The following CDH12 variants were observed in gnomAD, a reference collection of about 807,000 sequenced individuals.
CDH12 encodes the protein cadherin-12.
In CDH12, 41 loss-of-function variants were observed where a neutral mutation model predicts 74.1. The observed-to-expected ratio is 0.55, with a 90% CI of 0.43 to 0.72. The LOEUF (loss-of-function observed/expected upper bound fraction) is 0.72, where lower values mean the gene tolerates loss of function less well. Among genes scored for constraint, CDH12 ranks in the 30% least tolerant of loss-of-function variants. CDH12 has a pLI of 0.00. For missense variants in CDH12, 945 were observed against 977.2 expected (o/e 0.97, Z 0.44); for synonymous variants, 399 against 355.0 (o/e 1.12, Z -1.39).
At chr5:21,789,233 T>C (rs1746360388) in intron 10 of CDH12, among the ~76,000 whole-genome samples, 1 of 152,128 alleles carries the variant, frequency 6.6e-6, no homozygotes, top group Non-Finnish European at 1.5e-5. Context: ...TTAATTTTTA[T>C]AGTTTTATGT....
intron 1 of CDH12, among the ~76,000 whole-genome samples, chr5:22,517,148 C>T (rs1164826414): frequency 6.6e-6 from 1 of 151,672 alleles, no homozygotes; most frequent in Non-Finnish European, 1.5e-5. Context: ...AAGATAAAGC[C>T]ACTATTTATA....
intron 1 of CDH12, among the ~76,000 whole-genome samples, chr5:22,609,633 G>T (rs1296153690): frequency 2.0e-5 from 3 of 152,180 alleles, no homozygotes; most frequent in Admixed American, 2.0e-4. Context: ...CTTTCAAGAA[G>T]AGAACTGCCT....
chr5:22,698,725 ATATATATATAGTGTGTGTGT>A (rs1742544082), intron 1 of CDH12, among the ~76,000 whole-genome samples: 5 of 11,082 alleles, frequency 4.5e-4, no homozygotes, highest in Admixed American at 1.5e-3. Context: ...ATATATATAT[ATATATATATAGTGTGTGTGT>A]GTGTGTGTGT....
intron 4 of CDH12, among the ~76,000 whole-genome samples, chr5:22,132,732 A>T (rs1313664962): frequency 6.6e-6 from 1 of 152,070 alleles, no homozygotes; most frequent in Non-Finnish European, 1.5e-5. Flanking sequence ...TTTTTCCCCA[A>T]ATACTTTCAA....
intron 13 of CDH12, among the ~76,000 whole-genome samples, chr5:21,758,007 A>C (rs906867777): frequency 5.3e-5 from 8 of 152,144 alleles, no homozygotes; most frequent in Non-Finnish European, 8.8e-5. Context: ...TCCATGCTAC[A>C]TCCAAGCAGA....
At chr5:22,521,641 A>C (rs908728531) in intron 1 of CDH12, among the ~76,000 whole-genome samples, 2 of 152,224 alleles carry the variant, frequency 1.3e-5, no homozygotes, top group Non-Finnish European at 2.9e-5. Flanking sequence ...AACAAAGATA[A>C]GCCAGCTTTT....
At chr5:21,873,583 A>C (rs1311022077) in intron 6 of CDH12, among the ~76,000 whole-genome samples, 2 of 151,548 alleles carry the variant, frequency 1.3e-5, no homozygotes, top group Non-Finnish European at 3.0e-5. Flanking sequence ...GCATTTTGAT[A>C]ATTTGAAACC....
intron 8 of CDH12, among the ~76,000 whole-genome samples, chr5:21,832,855 G>C (rs1180705430): frequency 7.4e-4 from 60 of 80,692 alleles, no homozygotes; most frequent in African/African-American, 2.2e-3. Context: ...TATGATATAT[G>C]ATATATATCA....
chr5:22,665,210 C>G (rs1580866106), intron 1 of CDH12, among the ~76,000 whole-genome samples: 1 of 152,266 alleles, frequency 6.6e-6, no homozygotes, highest in Non-Finnish European at 1.5e-5. Context: ...CTTCCCATCA[C>G]CATCTTCTAC....
chr5:22,718,952 T>C (rs534815724), intron 1 of CDH12, among the ~76,000 whole-genome samples: 2 of 152,334 alleles, frequency 1.3e-5, no homozygotes, highest in East Asian at 3.9e-4. Context: ...TTGAGTCTTT[T>C]CACTATCATA....
intron 2 of CDH12, among the ~76,000 whole-genome samples, chr5:22,448,527 T>G (rs1744917737): frequency 1.3e-5 from 2 of 152,058 alleles, no homozygotes; most frequent in South Asian, 2.1e-4. Flanking sequence ...GTGAAGTAAT[T>G]TAAATAATTC....
intron 12 of CDH12, among the ~76,000 whole-genome samples, 190 bp downstream of exon 12, chr5:21,764,788 G>A (rs1744923072): frequency 6.6e-6 from 1 of 152,086 alleles, no homozygotes; most frequent in African/African-American, 2.4e-5. Context: ...CATCTGTGCG[G>A]TATCACCTCC....
At chr5:21,785,279 T>G (rs1746139989) in intron 10 of CDH12, among the ~76,000 whole-genome samples, 1 of 152,194 alleles carries the variant, frequency 6.6e-6, no homozygotes, top group African/African-American at 2.4e-5. Context: ...TCCTGCTCCT[T>G]GGGCCTTCTC....
chr5:22,072,064 C>T (rs1741974987), intron 5 of CDH12, among the ~76,000 whole-genome samples: 1 of 152,024 alleles, frequency 6.6e-6, no homozygotes, highest in African/African-American at 2.4e-5. Context: ...CCTACACAAG[C>T]CTATTGTAAC....
intron 3 of CDH12, among the ~76,000 whole-genome samples, chr5:22,365,509 T>A (rs1740992933): frequency 6.6e-6 from 1 of 152,190 alleles, no homozygotes; most frequent in African/African-American, 2.4e-5. Flanking sequence ...AGAAGATAAA[T>A]TATATAGATA....
chr5:21,843,346 TA>T (rs35953462), intron 7 of CDH12, among the ~76,000 whole-genome samples: 8 of 152,110 alleles, frequency 5.3e-5, no homozygotes, highest in Non-Finnish European at 1.0e-4. Flanking sequence ...ATCCAAATCA[TA>T]AACCCAACAT....
chr5:21,751,348 C>T lies in CDH12; in HGVS notation c.*389G>A, dbSNP rs1159144285. On this transcript the variant is annotated 3_prime_UTR_variant, in exon 15 of 15. Coordinates refer to ENST00000382254, the MANE Select transcript of CDH12 (RefSeq NM_004061.5). ...TTTAAATGATAAGAGTTTCAATAGG[C>T]ACTTTAGTGGAATTAAGAAAAATCT... 5.1e-6 allele frequency: 1 copy of T among 197,388 alleles called. No homozygotes were observed. Among genetic ancestry groups the T allele is most frequent in the Admixed American group, 5.3e-5 (1 of 18,920 alleles). 12.2% of individuals were successfully genotyped at this position (197,388 alleles called of 1,614,324 possible). A position where few individuals can be genotyped will look rare whatever the true frequency, so the allele number is the denominator to read the frequency against.
intron 3 of CDH12, among the ~76,000 whole-genome samples, chr5:22,324,291 A>G (rs1738998676): frequency 6.6e-6 from 1 of 152,098 alleles, no homozygotes; most frequent in African/African-American, 2.4e-5. Context: ...TTTTTATCTT[A>G]TTGGTAAATC....
At chr5:22,334,090 C>T (rs550222644) in intron 3 of CDH12, among the ~76,000 whole-genome samples, 3 of 152,038 alleles carry the variant, frequency 2.0e-5, no homozygotes, top group Non-Finnish European at 4.4e-5. Context: ...CCCACAGTCA[C>T]CACTGTTATT....
Sources: allele counts gnomAD v4.1 joint callset (sites outside exome capture counted in the v4.1 genomes callset), GRCh38; gene constraint gnomAD v4.1.1; transcripts MANE v1.5; gene names NCBI Gene and HGNC (gene_info 2026-07-23, HGNC 2026-07-21).